The following ADCY8 variants were observed in gnomAD, a reference collection of about 807,000 sequenced individuals.
ADCY8 encodes adenylate cyclase type 8.
Under a neutral mutation model 119.7 loss-of-function variants are expected in ADCY8, and 51 were observed. The observed-to-expected ratio is 0.43, with a 90% CI of 0.34 to 0.54. The LOEUF is 0.54. Among genes scored for constraint, ADCY8 ranks in the 20% least tolerant of loss-of-function variants. ADCY8 has a pLI of 0.03. For synonymous variants in ADCY8, 665 were observed against 651.0 expected (o/e 1.02, Z -0.33); for missense variants, 1,383 against 1,598.8 (o/e 0.87, Z 2.30).
At chr8:130,785,963 T>G (rs1044624480) in intron 15 of ADCY8, among the ~76,000 whole-genome samples, 4 of 152,252 alleles carry the variant, frequency 2.6e-5, no homozygotes, top group African/African-American at 9.6e-5. Context: ...GTTCTCTTGC[T>G]GGGCTACTCT....
At chr8:130,924,593 T>G (rs550321371) in intron 5 of ADCY8, among the ~76,000 whole-genome samples, 2 of 152,312 alleles carry the variant, frequency 1.3e-5, no homozygotes, top group East Asian at 3.9e-4. Context: ...AGGTCTCATC[T>G]TCAGCCTGAG....
At chr8:131,028,005 G>A (rs1177488531) in intron 1 of ADCY8, among the ~76,000 whole-genome samples, 1 of 152,320 alleles carries the variant, frequency 6.6e-6, no homozygotes, top group East Asian at 1.9e-4. Context: ...GAGAGATGTG[G>A]AAGCCAATAG....
At chr8:131,005,979 T>A (rs1823103720) in intron 1 of ADCY8, among the ~76,000 whole-genome samples, 1 of 152,062 alleles carries the variant, frequency 6.6e-6, no homozygotes, top group East Asian at 1.9e-4. Context: ...CACATTTGGT[T>A]CCCTTTTCCT....
intron 2 of ADCY8, among the ~76,000 whole-genome samples, chr8:130,987,474 AT>A (rs1373918918): frequency 6.6e-6 from 1 of 150,422 alleles, no homozygotes; most frequent in Admixed American, 6.6e-5. Flanking sequence ...AACAAATTAA[AT>A]AATTATTTTT....
chr8:130,830,035 T>A (rs1332984658), intron 12 of ADCY8, among the ~76,000 whole-genome samples: 1 of 152,150 alleles, frequency 6.6e-6, no homozygotes, highest in Non-Finnish European at 1.5e-5. Context: ...GCCAGAAACC[T>A]TTGTCATCCA....
At chr8:130,848,118 A>G (rs1817389625) in intron 10 of ADCY8, among the ~76,000 whole-genome samples, 1 of 152,198 alleles carries the variant, frequency 6.6e-6, no homozygotes, top group African/African-American at 2.4e-5. Context: ...CAATTGAAAA[A>G]TACGAAACTC....
rs146951721 is a variant in ADCY8 at position 130,899,403 on chromosome 8, C to A, written c.1911+4369G>T. ...AGTGCATCATTTGAGGTCAGGAGTTCGTGACCAGCCTGGCCAACATGGTGA... is the reference window on the plus strand; with the variant it reads ...AGTGCATCATTTGAGGTCAGGAGTTAGTGACCAGCCTGGCCAACATGGTGA... On this transcript the variant is annotated intron_variant, in intron 7 of 17. Coordinates refer to ENST00000286355, the MANE Select transcript of ADCY8 (RefSeq NM_001115.3). 2.8e-3 allele frequency among the ~76,000 whole-genome samples: 431 copies of A among 152,152 alleles called. 2 individuals carry two copies. The highest frequency in any genetic ancestry group is 9.9e-3 in the African/African-American group (410 of 41,530).
chr8:130,889,266 G>T (rs1819098627), intron 7 of ADCY8, among the ~76,000 whole-genome samples: 1 of 151,902 alleles, frequency 6.6e-6, no homozygotes, highest in Non-Finnish European at 1.5e-5. Context: ...TCATGTCTTT[G>T]TCCCCAGGGC....
intron 2 of ADCY8, among the ~76,000 whole-genome samples, chr8:130,962,283 A>T (rs531024800): frequency 6.6e-6 from 1 of 152,104 alleles, no homozygotes; most frequent in Non-Finnish European, 1.5e-5. Context: ...CTGAAAACAC[A>T]CTCTGAAATA....
At chr8:131,023,237 T>C (rs76232938) in intron 1 of ADCY8, among the ~76,000 whole-genome samples, 2 of 152,342 alleles carry the variant, frequency 1.3e-5, no homozygotes, top group African/African-American at 2.4e-5. Context: ...CCTAAGCTAC[T>C]CTGAAACAAA....
chr8:130,884,514 T>C lies in ADCY8; in HGVS notation c.2109+50A>G, dbSNP rs1477088150. 5.7e-6 allele frequency: 9 copies of C among 1,591,682 alleles called. No homozygotes were observed. The South Asian group carries it at 6.6e-5, about 12-fold the overall frequency. ...GGCTCTCTCTCTAGTCCCATGAACA[T>C]CTACCACAATTTACTCAGAAAAAGA... On this transcript the variant is annotated intron_variant, in intron 8 of 17. Coordinates refer to ENST00000286355, the MANE Select transcript of ADCY8 (RefSeq NM_001115.3).
At chr8:130,856,998 A>C (rs975554579) in intron 9 of ADCY8, among the ~76,000 whole-genome samples, 1 of 150,386 alleles carries the variant, frequency 6.6e-6, no homozygotes, top group Non-Finnish European at 1.5e-5. Context: ...ACAAAAGTAT[A>C]GCTTAATTAG....
At chr8:130,945,215 T>G (rs1314297417) in intron 3 of ADCY8, among the ~76,000 whole-genome samples, 6 of 152,098 alleles carry the variant, frequency 3.9e-5, no homozygotes, top group African/African-American at 1.4e-4. Flanking sequence ...GAAATACAGG[T>G]GGGGCAATGA....
chr8:130,931,790 T>G (rs1820636981), intron 5 of ADCY8, among the ~76,000 whole-genome samples: 1 of 152,186 alleles, frequency 6.6e-6, no homozygotes, highest in South Asian at 2.1e-4. Context: ...TTTTTAAAAA[T>G]TATTTTCAAT....
At chr8:130,947,441 G>A (rs1821138226) in intron 3 of ADCY8, among the ~76,000 whole-genome samples, 2 of 152,188 alleles carry the variant, frequency 1.3e-5, no homozygotes, top group African/African-American at 4.8e-5. Context: ...TAAATGAAGG[G>A]TATATAACCT....
At chr8:130,958,840 A>G (rs180807678) in intron 2 of ADCY8, among the ~76,000 whole-genome samples, 1 of 152,272 alleles carries the variant, frequency 6.6e-6, no homozygotes, top group East Asian at 1.9e-4. Context: ...TTAGGACTCA[A>G]TATTTTTTAA....
intron 2 of ADCY8, among the ~76,000 whole-genome samples, chr8:130,966,618 T>A (rs1315315342): frequency 2.0e-5 from 3 of 152,142 alleles, no homozygotes; most frequent in African/African-American, 7.2e-5. Flanking sequence ...CCTGAAGTGA[T>A]GGTAAGTGAC....
chr8:131,008,770 T>C (rs1160511580), intron 1 of ADCY8, among the ~76,000 whole-genome samples: 1 of 152,156 alleles, frequency 6.6e-6, no homozygotes, highest in Admixed American at 6.5e-5. Flanking sequence ...TCCTAGACAC[T>C]TGTTGAATGG....
intron 2 of ADCY8, among the ~76,000 whole-genome samples, chr8:130,952,258 T>C (rs1271122619): frequency 6.6e-6 from 1 of 152,168 alleles, no homozygotes; most frequent in African/African-American, 2.4e-5. Flanking sequence ...GGAAGATACA[T>C]TAAGTATTAC....
Sources: gnomAD v4.1 joint callset for allele counts (sites outside exome capture counted in the v4.1 genomes callset) on GRCh38, gnomAD v4.1.1 for gene constraint, MANE v1.5 for transcripts, NCBI Gene and HGNC (gene_info 2026-07-23, HGNC 2026-07-21) for gene names.